MALRD1: variants seen among roughly 807,000 people sequenced by gnomAD.
The protein encoded by MALRD1 is MAM and LDL-receptor class A domain-containing protein 1.
Under a neutral mutation model 242.1 loss-of-function variants are expected in MALRD1, and 247 were observed. The ratio of observed to expected loss-of-function variants is 1.02; its 90% CI spans 0.92 to 1.13. The LOEUF (loss-of-function observed/expected upper bound fraction) is 1.13. MALRD1 is among the 50% of genes most tolerant of loss of function. The pLI is 0.00. For synonymous variants in MALRD1, 995 were observed against 866.6 expected, an observed-to-expected ratio of 1.15 and a Z score of -2.60; for missense variants, 2,989 against 2,533.1, an observed-to-expected ratio of 1.18 and a Z score of -3.86.
Position 19,593,530 on chromosome 10 carries a change from G to A in MALRD1, c.5681-1664G>A, listed in dbSNP as rs531247426. 3.3e-5 allele frequency among the ~76,000 whole-genome samples: 5 copies of A among 152,156 alleles called. No individual in the cohort carries two copies. In the South Asian group the frequency reaches 8.3e-4, roughly 25 times the overall value. ...AATGTCAAGAAAACAAACCATTCCT[G>A]TACTGGCCTCCATTGCTACTTGGCT... On this transcript the variant is annotated intron_variant, in intron 33 of 39. Coordinates refer to ENST00000454679, the MANE Select transcript of MALRD1 (RefSeq NM_001142308.3).
intron 31 of MALRD1, among the ~76,000 whole-genome samples, chr10:19,502,585 A>G (rs1169852771): frequency 2.0e-5 from 3 of 152,218 alleles, no homozygotes; most frequent in Admixed American, 1.3e-4. Flanking sequence ...GAACTTTTTT[A>G]CTTCTATAAT....
chr10:19,072,076 C>T (rs1835166400), intron 2 of MALRD1, among the ~76,000 whole-genome samples: 1 of 152,088 alleles, frequency 6.6e-6, no homozygotes, highest in Admixed American at 6.6e-5. Context: ...AAAAAGTAAC[C>T]AGCAACCATT....
chr10:19,202,869 A>G (rs1836604919), intron 14 of MALRD1, among the ~76,000 whole-genome samples: 1 of 152,146 alleles, frequency 6.6e-6, no homozygotes, highest in Non-Finnish European at 1.5e-5. Context: ...GAGTCACAAT[A>G]TTTGGATTAC....
intron 1 of MALRD1, among the ~76,000 whole-genome samples, chr10:19,061,858 A>G (rs1834831865): frequency 6.6e-6 from 1 of 152,204 alleles, no homozygotes; most frequent in South Asian, 2.1e-4. Context: ...AAGCTTCATA[A>G]TATTAGATGT....
intron 28 of MALRD1, among the ~76,000 whole-genome samples, chr10:19,424,671 A>G (rs1833837402): frequency 6.6e-6 from 1 of 152,234 alleles, no homozygotes; most frequent in African/African-American, 2.4e-5. Context: ...TGGACAATTC[A>G]GCATTGCCTG....
intron 38 of MALRD1, among the ~76,000 whole-genome samples, chr10:19,720,705 A>G (rs551315412): frequency 1.3e-5 from 2 of 151,854 alleles, no homozygotes; most frequent in African/African-American, 4.8e-5. Context: ...TTACTGTGCT[A>G]TTTTTTTTAT....
chr10:19,726,792 A>G lies in MALRD1; in HGVS notation c.6315-3914A>G, dbSNP rs529094981. ...AAAAATGATTAAACTTCTGATACAT[A>G]CTACAATATGGATGAATCTTGAAAA... On this transcript the variant is annotated intron_variant, in intron 38 of 39. Coordinates refer to ENST00000454679, the MANE Select transcript of MALRD1 (RefSeq NM_001142308.3). Among the ~76,000 whole-genome samples the G allele has an allele frequency of 8.9e-4, 135 of 152,354 alleles. 1 individual carries two copies. Among genetic ancestry groups the G allele is most frequent in the African/African-American group, 3.0e-3 (126 of 41,596 alleles).
chr10:19,259,937 A>T (rs1839674041), intron 19 of MALRD1, among the ~76,000 whole-genome samples: 1 of 152,052 alleles, frequency 6.6e-6, no homozygotes, highest in African/African-American at 2.4e-5. Context: ...CCCCATAATG[A>T]TGTTAGTTGC....
chr10:19,084,888 A>G (rs1039757048), intron 2 of MALRD1, among the ~76,000 whole-genome samples: 13 of 152,026 alleles, frequency 8.6e-5, no homozygotes, highest in Admixed American at 2.6e-4. Flanking sequence ...ATAATTAACT[A>G]TTTGTCACAA....
chr10:19,223,089 C>T (rs1588719733), intron 18 of MALRD1, among the ~76,000 whole-genome samples: 1 of 152,238 alleles, frequency 6.6e-6, no homozygotes, highest in East Asian at 1.9e-4. Context: ...ATGGATTCTT[C>T]TTTCTTAAAA....
At chr10:19,441,532 G>C (rs1034891143) in intron 28 of MALRD1, among the ~76,000 whole-genome samples, 6 of 152,282 alleles carry the variant, frequency 3.9e-5, no homozygotes, top group African/African-American at 1.2e-4. Flanking sequence ...GTGTGAGGAA[G>C]GGCTCCACTT....
intron 19 of MALRD1, among the ~76,000 whole-genome samples, chr10:19,276,646 T>C (rs1415654511): frequency 6.6e-6 from 1 of 152,200 alleles, no homozygotes; most frequent in African/African-American, 2.4e-5. Flanking sequence ...TCAAAAATGA[T>C]AAAATGATTC....
At chr10:19,626,560 G>A (rs1012205754) in intron 36 of MALRD1, among the ~76,000 whole-genome samples, 1 of 151,826 alleles carries the variant, frequency 6.6e-6, no homozygotes, top group Non-Finnish European at 1.5e-5. Context: ...CTTTTCACCA[G>A]TAGTAACAAT....
chr10:19,369,584 TC>T (rs1397818361), intron 26 of MALRD1, among the ~76,000 whole-genome samples: 1 of 149,282 alleles, frequency 6.7e-6, no homozygotes, highest in Non-Finnish European at 1.5e-5. Context: ...TGTGAATATA[TC>T]CATATAAATA....
At chr10:19,500,976 TG>T (rs1361263672) in intron 31 of MALRD1, among the ~76,000 whole-genome samples, 1 of 152,100 alleles carries the variant, frequency 6.6e-6, no homozygotes, top group Non-Finnish European at 1.5e-5. Flanking sequence ...ATAAATTAGA[TG>T]GCTTATTAGA....
intron 21 of MALRD1, among the ~76,000 whole-genome samples, chr10:19,300,360 A>C (rs1441301551): frequency 6.6e-6 from 1 of 152,060 alleles, no homozygotes; most frequent in Non-Finnish European, 1.5e-5. Flanking sequence ...AATTCAAAAA[A>C]CTATTCTAAA....
chr10:19,383,701 G>A (rs1292055998), intron 26 of MALRD1, among the ~76,000 whole-genome samples: 1 of 151,658 alleles, frequency 6.6e-6, no homozygotes, highest in African/African-American at 2.4e-5. Flanking sequence ...CCATTACTTA[G>A]GTAAATCATA....
At chr10:19,668,803 A>G (rs1841792924) in intron 36 of MALRD1, among the ~76,000 whole-genome samples, 1 of 151,750 alleles carries the variant, frequency 6.6e-6, no homozygotes. Flanking sequence ...AAAGGAAAAT[A>G]TGGAAAAAAA....
chr10:19,731,474 C>A (rs1255310350), intron 39 of MALRD1, among the ~76,000 whole-genome samples: 1 of 150,754 alleles, frequency 6.6e-6, no homozygotes, highest in Non-Finnish European at 1.5e-5. Flanking sequence ...AAATATCTAT[C>A]ACCTCACATA....
Sources: allele counts gnomAD v4.1 joint callset (sites outside exome capture counted in the v4.1 genomes callset), GRCh38; gene constraint gnomAD v4.1.1; transcripts MANE v1.5; gene names NCBI Gene and HGNC (gene_info 2026-07-23, HGNC 2026-07-21).